ZNF804A: variants seen among roughly 807,000 people sequenced by gnomAD.
ZNF804A encodes the protein zinc finger protein 804A.
ZNF804A carries 2 observed loss-of-function variants against 16.5 expected under a neutral mutation model. The observed-to-expected ratio is 0.12, with a 90% confidence interval of 0.05 to 0.38. The LOEUF (loss-of-function observed/expected upper bound fraction) is 0.38. Ranked by LOEUF, ZNF804A falls within the 10% of genes least tolerant of loss-of-function variation. ZNF804A has a pLI of 0.99. For synonymous variants in ZNF804A, 534 were observed against 489.6 expected, an observed-to-expected ratio of 1.09 and a Z score of -1.20; for missense variants, 1,473 against 1,390.7, an observed-to-expected ratio of 1.06 and a Z score of -0.94.
At chr2:184,838,970 A>G (rs1695395165) in intron 1 of ZNF804A, among the ~76,000 whole-genome samples, 1 of 152,126 alleles carries the variant, frequency 6.6e-6, no homozygotes, top group Non-Finnish European at 1.5e-5. Flanking sequence ...ACCTAGGCTA[A>G]AAGTTGTGTG....
intron 1 of ZNF804A, among the ~76,000 whole-genome samples, chr2:184,724,730 A>G (rs1693377863): frequency 6.6e-6 from 1 of 151,744 alleles, no homozygotes; most frequent in Admixed American, 6.6e-5. Context: ...AGGGCATGTA[A>G]ATAAGTGAAT....
chr2:184,897,515 A>G (rs1302776356), intron 2 of ZNF804A, among the ~76,000 whole-genome samples: 2 of 150,006 alleles, frequency 1.3e-5, no homozygotes, highest in Non-Finnish European at 3.0e-5. Context: ...GGAGTCACTC[A>G]TTATGTGTAG....
chr2:184,659,768 G>T (rs186169515), intron 1 of ZNF804A, among the ~76,000 whole-genome samples: 4 of 151,966 alleles, frequency 2.6e-5, no homozygotes, highest in Admixed American at 1.3e-4. Context: ...AACTCCTTTC[G>T]GAGTTTATTA....
At chr2:184,875,433 T>C (rs1454386534) in intron 2 of ZNF804A, among the ~76,000 whole-genome samples, 1 of 152,110 alleles carries the variant, frequency 6.6e-6, no homozygotes, top group Non-Finnish European at 1.5e-5. Context: ...TCTTGTGCCC[T>C]CTCTGGCCAT....
At chr2:184,651,275 C>T (rs552347379) in intron 1 of ZNF804A, among the ~76,000 whole-genome samples, 20 of 152,140 alleles carry the variant, frequency 1.3e-4, no homozygotes, top group African/African-American at 2.2e-4. Context: ...TACCTTTCAC[C>T]GTACACAAAA....
At chr2:184,624,978 T>C (rs1691473807) in intron 1 of ZNF804A, among the ~76,000 whole-genome samples, 1 of 152,144 alleles carries the variant, frequency 6.6e-6, no homozygotes, top group Admixed American at 6.5e-5. Context: ...GTTCCGTTTG[T>C]GATGGGAATG....
intron 1 of ZNF804A, among the ~76,000 whole-genome samples, chr2:184,853,963 C>G (rs552716033): frequency 6.6e-6 from 1 of 150,462 alleles, no homozygotes; most frequent in African/African-American, 2.4e-5. Flanking sequence ...TCTTCTTCAA[C>G]TTTTTGGGAG....
At chr2:184,740,878 C>T (rs1693700727) in intron 1 of ZNF804A, among the ~76,000 whole-genome samples, 1 of 152,116 alleles carries the variant, frequency 6.6e-6, no homozygotes, top group African/African-American at 2.4e-5. Flanking sequence ...AGAAATTACT[C>T]AACTACTTCC....
chr2:184,843,668 T>A (rs185482087), intron 1 of ZNF804A, among the ~76,000 whole-genome samples: 139 of 152,276 alleles, frequency 9.1e-4, no homozygotes, highest in Middle Eastern at 6.8e-3. Flanking sequence ...TCCATGAAGT[T>A]CCAGAGTTTT....
intron 1 of ZNF804A, among the ~76,000 whole-genome samples, chr2:184,632,110 T>C (rs549343228): frequency 6.6e-6 from 1 of 152,114 alleles, no homozygotes; most frequent in Non-Finnish European, 1.5e-5. Context: ...ACTGGGTACC[T>C]TTACAAGTGG....
chr2:184,609,137 G>C (rs561555696), intron 1 of ZNF804A, among the ~76,000 whole-genome samples: 1 of 152,298 alleles, frequency 6.6e-6, no homozygotes, highest in African/African-American at 2.4e-5. Flanking sequence ...TAATGAGGAA[G>C]AATTTGGGAG....
chr2:184,636,846 T>A (rs1390418702), intron 1 of ZNF804A, among the ~76,000 whole-genome samples: 2 of 152,168 alleles, frequency 1.3e-5, no homozygotes, highest in Admixed American at 6.6e-5. Flanking sequence ...AATGTCTCCA[T>A]CATTATATTA....
intron 1 of ZNF804A, among the ~76,000 whole-genome samples, chr2:184,681,290 A>C (rs1692534921): frequency 6.6e-6 from 1 of 151,038 alleles, no homozygotes; most frequent in Admixed American, 6.6e-5. Flanking sequence ...ACTATGCCAC[A>C]AAAAAAATCC....
intron 1 of ZNF804A, among the ~76,000 whole-genome samples, chr2:184,612,794 A>G (rs1691259372): frequency 6.6e-6 from 1 of 152,232 alleles, no homozygotes; most frequent in Non-Finnish European, 1.5e-5. Flanking sequence ...GTAGACTGAT[A>G]GTAATAGAAT....
In ZNF804A at chr2:184,598,940, G is replaced by C. The variant is rs755225008; in HGVS notation, c.-20G>C. On this transcript the variant is annotated 5_prime_UTR_variant, in exon 1 of 4. Transcript: ENST00000302277. Reference sequence around the variant, plus strand: ...GTGCGTGGAAGCGGCGGCTGCGGCGGAGGAGGCGGCGGCTGCCCCATGGAG... The same window carrying C: ...GTGCGTGGAAGCGGCGGCTGCGGCGCAGGAGGCGGCGGCTGCCCCATGGAG... 6.6e-7 allele frequency: 1 copy of C among 1,508,690 alleles called. No homozygotes were observed. Among genetic ancestry groups the C allele is most frequent in the African/African-American group, 1.4e-5 (1 of 69,650 alleles). The allele number at this position is 1,508,690 out of a possible 1,614,324, so 93.5% of individuals were successfully genotyped here. A position where few individuals can be genotyped will look rare whatever the true frequency, so the allele number is the denominator to read the frequency against.
At chr2:184,643,956 A>G (rs1485363794) in intron 1 of ZNF804A, among the ~76,000 whole-genome samples, 1 of 151,742 alleles carries the variant, frequency 6.6e-6, no homozygotes, top group Non-Finnish European at 1.5e-5. Context: ...ATAATTTTTT[A>G]AAAAGAATAA....
chr2:184,773,061 C>T (rs1247370614), intron 1 of ZNF804A, among the ~76,000 whole-genome samples: 1 of 148,030 alleles, frequency 6.8e-6, no homozygotes, highest in Non-Finnish European at 1.5e-5. Context: ...TTTAAATGTG[C>T]ACACACACAT....
chr2:184,618,116 C>T (rs1256080121), intron 1 of ZNF804A, among the ~76,000 whole-genome samples: 1 of 151,958 alleles, frequency 6.6e-6, no homozygotes, highest in Non-Finnish European at 1.5e-5. Flanking sequence ...ATTCTCATAT[C>T]CTAGAAAATA....
At chr2:184,901,869 A>T (rs1685186801) in intron 2 of ZNF804A, among the ~76,000 whole-genome samples, 1 of 151,978 alleles carries the variant, frequency 6.6e-6, no homozygotes, top group South Asian at 2.1e-4. Flanking sequence ...TGACTTATCC[A>T]TATGTATTTA....
Sources: allele counts gnomAD v4.1 joint callset (sites outside exome capture counted in the v4.1 genomes callset), GRCh38; gene constraint gnomAD v4.1.1; transcripts MANE v1.5; gene names NCBI Gene and HGNC (gene_info 2026-07-23, HGNC 2026-07-21).